NLGN4X: variants seen among roughly 807,000 people sequenced by gnomAD.
NLGN4X encodes the protein neuroligin 4 X-linked.
Under a neutral mutation model 40.3 loss-of-function variants are expected in NLGN4X, and 3 were observed. The ratio of observed to expected loss-of-function variants is 0.07; its 90% CI spans 0.03 to 0.19. The LOEUF (loss-of-function observed/expected upper bound fraction) is 0.19, where lower values mean the gene tolerates loss of function less well. Ranked by LOEUF, NLGN4X falls within the 10% of genes least tolerant of loss-of-function variation. The pLI is 1.00. For missense variants in NLGN4X, 382 were observed against 708.3 expected, an observed-to-expected ratio of 0.54 and a Z score of 5.23; for synonymous variants, 270 against 306.8, an observed-to-expected ratio of 0.88 and a Z score of 1.25.
intron 2 of NLGN4X, among the ~76,000 whole-genome samples, chrX:6,060,307 G>A (rs1003854605): frequency 1.8e-5 from 2 of 111,306 alleles, no homozygotes; most frequent in African/African-American, 3.3e-5. Flanking sequence ...TTTTCTTAGA[G>A]TTGTGGAGTC....
At chrX:6,004,530 C>T (rs2036054235) in intron 3 of NLGN4X, among the ~76,000 whole-genome samples, 1 of 111,198 alleles carries the variant, frequency 9.0e-6, no homozygotes, top group Admixed American at 9.6e-5. Context: ...AGAAATAGTA[C>T]AAGTTATAGA....
chrX:5,983,665 C>T, intron 3 of NLGN4X, among the ~76,000 whole-genome samples: 1 of 111,913 alleles, frequency 8.9e-6, no homozygotes, highest in East Asian at 2.8e-4. Flanking sequence ...AAACCGGGTG[C>T]AGTGGCCCAC....
rs749028032 is a variant in NLGN4X, at chrX:5,924,342, G to T, written c.626-15103C>A. Among the ~76,000 whole-genome samples the T allele has an allele frequency of 1.5e-4, 16 of 105,247 alleles. 1 individual carries two copies. The highest frequency in any genetic ancestry group is 5.4e-4 in the African/African-American group (16 of 29,586). 91.4% of individuals were successfully genotyped at this position (105,247 alleles called of 115,157 possible). On this transcript the variant is annotated intron_variant, in intron 3 of 5. Transcript: ENST00000381095. ...ATTATATATTCTCATACTTCTAAAT[G>T]CTTTCAAGGCAAACATAAAATGAAA...
intron 3 of NLGN4X, among the ~76,000 whole-genome samples, chrX:5,927,849 C>T (rs1000936243): frequency 1.8e-5 from 2 of 112,409 alleles, no homozygotes; most frequent in Non-Finnish European, 3.7e-5. Context: ...CATTCAAACT[C>T]GTCTCTTTTC....
At chrX:6,150,905 A>T in intron 2 of NLGN4X, 90 bp downstream of exon 2, 1 of 733,993 alleles carries the variant, frequency 1.4e-6, no homozygotes, top group Non-Finnish European at 2.2e-6. Flanking sequence ...TATAGAAGAG[A>T]TCATGCATGA....
chrX:5,971,373 C>A (rs975065321), intron 3 of NLGN4X, among the ~76,000 whole-genome samples: 1 of 110,787 alleles, frequency 9.0e-6, no homozygotes, highest in Non-Finnish European at 1.9e-5. Context: ...ATGATGAATT[C>A]TGTCCACTGA....
At chrX:6,209,033 C>T (rs776130004) in intron 1 of NLGN4X, among the ~76,000 whole-genome samples, 35 of 112,201 alleles carry the variant, frequency 3.1e-4, no homozygotes, top group Non-Finnish European at 5.3e-4. Flanking sequence ...ATATGAATAA[C>T]GAAATATTAT....
chrX:5,988,037 G>A (rs977438687), intron 3 of NLGN4X, among the ~76,000 whole-genome samples: 1 of 111,909 alleles, frequency 8.9e-6, no homozygotes, highest in African/African-American at 3.3e-5. Flanking sequence ...TGGTCACAAC[G>A]CTGCACTCCA....
chrX:6,011,403 A>G (rs765832919), intron 3 of NLGN4X, among the ~76,000 whole-genome samples: 86 of 109,730 alleles, frequency 7.8e-4, no homozygotes, highest in African/African-American at 2.7e-3. Context: ...ACACACATAC[A>G]TATCTACTTC....
intron 2 of NLGN4X, among the ~76,000 whole-genome samples, chrX:6,093,221 A>G (rs961380117): frequency 4.5e-5 from 5 of 112,080 alleles, no homozygotes; most frequent in Non-Finnish European, 9.4e-5. Flanking sequence ...GTCCACCTGG[A>G]TTTGCATAAT....
intron 3 of NLGN4X, among the ~76,000 whole-genome samples, chrX:5,977,023 A>G (rs1295780158): frequency 1.8e-5 from 2 of 112,453 alleles, no homozygotes; most frequent in Non-Finnish European, 3.8e-5. Flanking sequence ...CCCTTTTTTA[A>G]ATCAATAATT....
intron 3 of NLGN4X, among the ~76,000 whole-genome samples, chrX:6,020,429 T>A (rs1208164882): frequency 1.8e-5 from 2 of 112,002 alleles, no homozygotes; most frequent in Non-Finnish European, 3.8e-5. Flanking sequence ...GAGAGTAGAA[T>A]GTTCTCTTAC....
intron 3 of NLGN4X, among the ~76,000 whole-genome samples, chrX:5,954,030 G>A (rs1184198989): frequency 1.8e-5 from 2 of 111,595 alleles, no homozygotes; most frequent in South Asian, 3.8e-4. Context: ...ATTTATGCCC[G>A]CCCTGTGAAA....
At chrX:6,076,347 T>G (rs2038196392) in intron 2 of NLGN4X, among the ~76,000 whole-genome samples, 2 of 111,929 alleles carry the variant, frequency 1.8e-5, no homozygotes, top group Admixed American at 1.9e-4. Flanking sequence ...GGTCCTATGT[T>G]AGTCCTATCA....
At chrX:6,170,825 T>C (rs2040590499) in intron 1 of NLGN4X, among the ~76,000 whole-genome samples, 1 of 111,839 alleles carries the variant, frequency 8.9e-6, no homozygotes, top group Non-Finnish European at 1.9e-5. Flanking sequence ...TTGCCCCTTC[T>C]GCCTTTTTGT....
chrX:5,905,393 C>A (rs958796525), intron 4 of NLGN4X, among the ~76,000 whole-genome samples: 1 of 112,111 alleles, frequency 8.9e-6, no homozygotes, highest in South Asian at 3.7e-4. Context: ...CTCTTTCCCT[C>A]CATTCAAATG....
At chrX:6,192,546 G>C (rs1190258797) in intron 1 of NLGN4X, among the ~76,000 whole-genome samples, 1 of 112,008 alleles carries the variant, frequency 8.9e-6, no homozygotes, top group Non-Finnish European at 1.9e-5. Context: ...ATGCTGTAGT[G>C]TGTGCTTCCA....
At chrX:5,994,240 G>A (rs2035759772) in intron 3 of NLGN4X, among the ~76,000 whole-genome samples, 1 of 111,916 alleles carries the variant, frequency 8.9e-6, no homozygotes, top group African/African-American at 3.2e-5. Context: ...GTCAGCCAAG[G>A]GTGAGGATAA....
At chrX:6,097,814 T>C (rs1225319259) in intron 2 of NLGN4X, among the ~76,000 whole-genome samples, 1 of 110,786 alleles carries the variant, frequency 9.0e-6, no homozygotes, top group Non-Finnish European at 1.9e-5. Flanking sequence ...CTTAAAAAAA[T>C]AACACGTCCT....
Sources: allele counts gnomAD v4.1 joint callset (sites outside exome capture counted in the v4.1 genomes callset), GRCh38; gene constraint gnomAD v4.1.1; transcripts MANE v1.5; gene names NCBI Gene and HGNC (gene_info 2026-07-23, HGNC 2026-07-21).